Variants in FHIT observed in about 807,000 individuals in gnomAD.
FHIT encodes the protein bis(5'-adenosyl)-triphosphatase.
Under a neutral mutation model 17.9 loss-of-function variants are expected in FHIT, and 19 were observed. The observed-to-expected ratio is 1.06, with a 90% confidence interval of 0.74 to 1.56. The LOEUF is 1.56. FHIT is among the 40% of genes most tolerant of loss of function. FHIT has a pLI of 0.00. For missense variants in FHIT, 248 were observed against 189.2 expected (o/e 1.31, Z -1.82); for synonymous variants, 81 against 69.7 (o/e 1.16, Z -0.81).
chr3:60,295,231 A>C (rs1238225817), intron 5 of FHIT, among the ~76,000 whole-genome samples: 2 of 152,088 alleles, frequency 1.3e-5, no homozygotes, highest in Non-Finnish European at 2.9e-5. Context: ...ACTGCACTCC[A>C]CCCTGGGCAA....
intron 5 of FHIT, among the ~76,000 whole-genome samples, chr3:60,162,618 T>C (rs753241401): frequency 6.6e-6 from 1 of 152,196 alleles, no homozygotes; most frequent in African/African-American, 2.4e-5. Context: ...CTTCATCTTA[T>C]TCTAATGCTA....
intron 5 of FHIT, among the ~76,000 whole-genome samples, chr3:60,127,179 A>T (rs909631734): frequency 6.6e-6 from 1 of 152,148 alleles, no homozygotes; most frequent in Admixed American, 6.6e-5. Flanking sequence ...CAGAGAACTC[A>T]GCCCACGCAA....
At chr3:61,207,324 C>A (rs2039277284) in intron 1 of FHIT, among the ~76,000 whole-genome samples, 1 of 152,160 alleles carries the variant, frequency 6.6e-6, no homozygotes. Flanking sequence ...CAGGATGATG[C>A]TGGCCTCATA....
chr3:60,384,054 G>A (rs149326729), intron 5 of FHIT, among the ~76,000 whole-genome samples: 1 of 152,056 alleles, frequency 6.6e-6, no homozygotes, highest in Admixed American at 6.6e-5. Context: ...TGGATCACGA[G>A]GTCAGGAGAT....
At chr3:59,931,932 A>G (rs1559742847) in intron 7 of FHIT, among the ~76,000 whole-genome samples, 1 of 151,804 alleles carries the variant, frequency 6.6e-6, no homozygotes, top group Non-Finnish European at 1.5e-5. Context: ...GCAGCCAGAC[A>G]GCTTTAAATT....
At chr3:60,813,695 G>A (rs1439033372) in intron 4 of FHIT, among the ~76,000 whole-genome samples, 5 of 152,068 alleles carry the variant, frequency 3.3e-5, no homozygotes, top group Non-Finnish European at 5.9e-5. Flanking sequence ...AGCCACTTGC[G>A]TCTTTTGACT....
rs539402569 is a variant in FHIT, at chr3:61,208,314, C to G, written c.-212-7649G>C. ...CTGTTGATATGGGGTGGAGAGTTCT[C>G]TAGATGTCTATTAGGTCCGCTTGGT... is the stretch of plus-strand genomic sequence containing the variant. On this transcript the variant is annotated intron_variant, in intron 1 of 9. Transcript: ENST00000492590. Among the ~76,000 whole-genome samples, 767 of 152,000 alleles carry G rather than the reference C, an allele frequency of 5.0e-3. 11 individuals are homozygous for G. The highest frequency in any genetic ancestry group is 0.018 in the African/African-American group (727 of 41,504).
chr3:60,688,967 C>T (rs1473809970), intron 4 of FHIT, among the ~76,000 whole-genome samples: 1 of 151,938 alleles, frequency 6.6e-6, no homozygotes, highest in Non-Finnish European at 1.5e-5. Flanking sequence ...GCTCTGTGTC[C>T]CCACCCAAAT....
chr3:59,946,833 G>A (rs889801920), intron 7 of FHIT, among the ~76,000 whole-genome samples: 4 of 151,956 alleles, frequency 2.6e-5, no homozygotes, highest in African/African-American at 9.7e-5. Flanking sequence ...TGTATATATT[G>A]AGTCAACCTT....
chr3:61,072,944 T>C (rs922266133), intron 2 of FHIT, among the ~76,000 whole-genome samples: 8 of 152,192 alleles, frequency 5.3e-5, no homozygotes, highest in Non-Finnish European at 1.0e-4. Context: ...ATGCACCTTT[T>C]CCTCCTCTTA....
intron 5 of FHIT, among the ~76,000 whole-genome samples, chr3:60,311,250 CGTGTGTGT>C (rs10621849): frequency 6.6e-6 from 1 of 150,826 alleles, no homozygotes; most frequent in Non-Finnish European, 1.5e-5. Flanking sequence ...TCTACCCCAA[CGTGTGTGT>C]GTGTGTGTGT....
chr3:60,512,978 C>T (rs575130197), intron 5 of FHIT, among the ~76,000 whole-genome samples: 4 of 152,122 alleles, frequency 2.6e-5, no homozygotes, highest in African/African-American at 9.7e-5. Flanking sequence ...ACTGAGAAAG[C>T]AAATTGAGAA....
intron 5 of FHIT, among the ~76,000 whole-genome samples, chr3:60,493,181 C>A (rs2034140280): frequency 6.6e-6 from 1 of 152,032 alleles, no homozygotes; most frequent in Non-Finnish European, 1.5e-5. Context: ...GGGTAAAGGG[C>A]ACAACATGAA....
At chr3:60,095,475 T>C (rs1411639391) in intron 5 of FHIT, among the ~76,000 whole-genome samples, 11 of 152,212 alleles carry the variant, frequency 7.2e-5, no homozygotes, top group Non-Finnish European at 1.6e-4. Flanking sequence ...ACCCCTGCAC[T>C]AAGCAAACAG....
intron 5 of FHIT, among the ~76,000 whole-genome samples, chr3:60,029,320 C>A (rs1288603826): frequency 6.6e-6 from 1 of 152,094 alleles, no homozygotes; most frequent in African/African-American, 2.4e-5. Context: ...ATGAGGGGTA[C>A]TTGTACTTCC....
chr3:61,217,192 T>C (rs2039707221), intron 1 of FHIT, among the ~76,000 whole-genome samples: 1 of 152,192 alleles, frequency 6.6e-6, no homozygotes, highest in Non-Finnish European at 1.5e-5. Flanking sequence ...TTATTATCTC[T>C]CACGGTTTCT....
intron 5 of FHIT, among the ~76,000 whole-genome samples, chr3:60,514,794 A>T (rs1559505020): frequency 6.6e-6 from 1 of 152,066 alleles, no homozygotes; most frequent in Non-Finnish European, 1.5e-5. Context: ...TTCCAGATCC[A>T]TCAGGAGACA....
At chr3:59,788,881 G>GTTTTTTTTTTTTTTTGTTTTTTTTT (rs60361063) in intron 8 of FHIT, among the ~76,000 whole-genome samples, 1 of 86,804 alleles carries the variant, frequency 1.2e-5, no homozygotes, top group Non-Finnish European at 2.0e-5. Context: ...GAGTTCATAT[G>GTTTTTTTTTTTTTTTGTTTTTTTTT]TTTTTTTTTT....
chr3:60,096,232 G>C (rs956984199), intron 5 of FHIT, among the ~76,000 whole-genome samples: 7 of 152,154 alleles, frequency 4.6e-5, no homozygotes, highest in African/African-American at 1.7e-4. Context: ...GAAAAAGTCA[G>C]GGAGTTTTAT....
Sources: gnomAD v4.1 joint callset for allele counts (sites outside exome capture counted in the v4.1 genomes callset) on GRCh38, gnomAD v4.1.1 for gene constraint, MANE v1.5 for transcripts, NCBI Gene and HGNC (gene_info 2026-07-23, HGNC 2026-07-21) for gene names.